Variants in ZFAND1 observed in about 807,000 individuals in gnomAD.
ZFAND1 encodes zinc finger AN1-type containing 1.
Under a neutral mutation model 38.5 loss-of-function variants are expected in ZFAND1, and 40 were observed. The observed-to-expected ratio is 1.04, with a 90% confidence interval of 0.81 to 1.35. ZFAND1 has a LOEUF of 1.35. Among genes scored for constraint, ZFAND1 ranks in the 40% most tolerant of loss-of-function variants. The pLI is 0.00. For missense variants in ZFAND1, 346 were observed against 316.3 expected (o/e 1.09, Z -0.71); for synonymous variants, 117 against 103.6 (o/e 1.13, Z -0.78).
chr8:81,716,739 G>A (rs1381001762), intron 3 of ZFAND1, among the ~76,000 whole-genome samples: 2 of 152,198 alleles, frequency 1.3e-5, no homozygotes, highest in Non-Finnish European at 2.9e-5. Context: ...CCTGAGGTCA[G>A]GAGTTTGAGA....
chr8:81,714,214 A>G, intron 5 of ZFAND1, 175 bp from the exon 6 acceptor site: 1 of 588,448 alleles, frequency 1.7e-6, no homozygotes, highest in Non-Finnish European at 2.7e-6. Context: ...GAAAAATATC[A>G]TTGAGATTGA....
At chr8:81,712,060 T>A (rs1230750177) in intron 6 of ZFAND1, among the ~76,000 whole-genome samples, 1 of 152,094 alleles carries the variant, frequency 6.6e-6, no homozygotes, top group African/African-American at 2.4e-5. Context: ...TATACCAGAG[T>A]CAGTGATTTA....
At chr8:81,717,968 AC>A (rs1414087178) in intron 2 of ZFAND1, among the ~76,000 whole-genome samples, 1 of 152,104 alleles carries the variant, frequency 6.6e-6, no homozygotes, top group Non-Finnish European at 1.5e-5. Flanking sequence ...CAAAAATATA[AC>A]TTTTATATAA....
Position 81,715,243 on chromosome 8 carries a change from G to A in ZFAND1, c.139-129C>T, listed in dbSNP as rs1365890267. Reference sequence around the variant, plus strand: ...TTAGAGCAAGTTACTTACTCTCAAAGATTATAAAGAATGTTTTATGTGACA... The same window carrying A: ...TTAGAGCAAGTTACTTACTCTCAAAAATTATAAAGAATGTTTTATGTGACA... On this transcript the variant is annotated intron_variant, in intron 3 of 7. Coordinates refer to ENST00000220669, the MANE Select transcript of ZFAND1 (RefSeq NM_024699.3). 3 of 875,484 alleles carry A rather than the reference G, an allele frequency of 3.4e-6. No homozygotes were observed. In the African/African-American group the frequency reaches 5.1e-5, roughly 15 times the overall value. The allele number at this position is 875,484 out of a possible 1,614,324, so 54.2% of individuals were successfully genotyped here. A position where few individuals can be genotyped will look rare whatever the true frequency, so the allele number is the denominator to read the frequency against.
In ZFAND1 at chr8:81,715,103, G is replaced by T; in HGVS notation, c.150C>A (p.Ile50=). The T allele has an allele frequency of 6.2e-7, 1 of 1,613,660 alleles. No homozygotes were observed. Among genetic ancestry groups the T allele is most frequent in the South Asian group, 1.1e-5 (1 of 91,030 alleles). ...ESHGCPEVTV[I]NERLKTDQHT... is the part of the protein sequence containing the mutation. Reference sequence around the variant, plus strand: ...GTTGATCTGTCTTCAGTCTCTCATTGATTACAGTCACCTGAAAATGCAAAA... The same window carrying T: ...GTTGATCTGTCTTCAGTCTCTCATTTATTACAGTCACCTGAAAATGCAAAA... Residue 50 remains isoleucine (I), a synonymous_variant, in exon 4 of 8, where the codon ATC becomes ATA. Coordinates refer to ENST00000220669, the MANE Select transcript of ZFAND1 (RefSeq NM_024699.3).
chr8:81,713,154 G>A (rs1469391441), intron 6 of ZFAND1, among the ~76,000 whole-genome samples: 5 of 151,762 alleles, frequency 3.3e-5, no homozygotes, highest in African/African-American at 7.3e-5. Flanking sequence ...ACGGAGTCTC[G>A]CTCTGTCGCC....
In ZFAND1 at chr8:81,703,004, T is replaced by C. The variant is rs756646115; in HGVS notation, c.601A>G (p.Arg201Gly). 7.1e-6 allele frequency: 11 copies of C among 1,542,874 alleles called. No homozygotes were observed. Among genetic ancestry groups the C allele is most frequent in the Middle Eastern group, 2.0e-4 (1 of 5,108 alleles). ...KAIDFAASLA[R>G]LKNDNNKFTA... ...AATTTGTTATTGTCATTTTTAAGCC[T>C]GGCTAGAGAAGCGGCAAAGTCTATG... The change falls in exon 7 of 8, where the codon AGG becomes GGG. Residue 201 changes from arginine (R) to glycine (G), a missense_variant. Physicochemically the swap from Arg to Gly is moderately radical, Grantham distance 125. Coordinates refer to ENST00000220669, the MANE Select transcript of ZFAND1 (RefSeq NM_024699.3).
intron 6 of ZFAND1, among the ~76,000 whole-genome samples, chr8:81,713,130 C>T (rs969947741): frequency 1.3e-4 from 4 of 31,422 alleles, no homozygotes; most frequent in Admixed American, 4.3e-4. Context: ...TGTTTTTGTT[C>T]GTTTTTTTTT....
chr8:81,705,233 T>C (rs893787669), intron 6 of ZFAND1, among the ~76,000 whole-genome samples: 1 of 152,196 alleles, frequency 6.6e-6, no homozygotes, highest in African/African-American at 2.4e-5. Flanking sequence ...GACAGGGATC[T>C]GTGAGTGAGA....
chr8:81,716,246 C>T (rs191628710), intron 3 of ZFAND1, among the ~76,000 whole-genome samples: 7 of 152,194 alleles, frequency 4.6e-5, no homozygotes, highest in Admixed American at 3.9e-4. Context: ...ACATGGTGGG[C>T]TTAGCTTTCT....
At chr8:81,715,368 T>G (rs978805852) in intron 3 of ZFAND1, among the ~76,000 whole-genome samples, 1 of 152,208 alleles carries the variant, frequency 6.6e-6, no homozygotes, top group Admixed American at 6.5e-5. Flanking sequence ...TTACGCTCTA[T>G]AATTTTAACC....
chr8:81,706,945 T>C lies in ZFAND1; in HGVS notation c.481-3821A>G, dbSNP rs193075831. On this transcript the variant is annotated intron_variant, in intron 6 of 7. Transcript: ENST00000220669. ...GGAATACAATATAAAAGAAGAAAAATATGAAATGTTACAGAAGGGAATAAA... is the reference window on the plus strand; with the variant it reads ...GGAATACAATATAAAAGAAGAAAAACATGAAATGTTACAGAAGGGAATAAA... Among the ~76,000 whole-genome samples, 334 of 151,878 alleles carry C rather than the reference T, an allele frequency of 2.2e-3. 2 individuals are homozygous for C. The highest frequency in any genetic ancestry group is 0.017 in the South Asian group (82 of 4,808).
rs1403492445 is a variant in ZFAND1 at position 81,702,649 on chromosome 8, T to G, written c.*46A>C. On this transcript the variant is annotated 3_prime_UTR_variant, in exon 8 of 8. Transcript: ENST00000220669. Reference sequence around the variant, plus strand: ...GTAGTAAAATAAATGGACTTAAACATGTAATAGAATTTTCCCTGTGATTTC... The same window carrying G: ...GTAGTAAAATAAATGGACTTAAACAGGTAATAGAATTTTCCCTGTGATTTC... 2 of 1,378,766 alleles carry G rather than the reference T, an allele frequency of 1.5e-6. No individual in the cohort carries two copies. The highest frequency in any genetic ancestry group is 1.5e-5 in the African/African-American group (1 of 67,302). 85.4% of individuals were successfully genotyped at this position (1,378,766 alleles called of 1,614,324 possible).
At chr8:81,703,998 G>A (rs757828771) in intron 6 of ZFAND1, among the ~76,000 whole-genome samples, 9 of 152,080 alleles carry the variant, frequency 5.9e-5, no homozygotes, top group East Asian at 3.9e-4. Flanking sequence ...TCAAGTTTCC[G>A]TCACTTGCAA....
chr8:81,713,560 TAGAGAAACTC>T (rs1808207334), intron 6 of ZFAND1, among the ~76,000 whole-genome samples: 1 of 152,158 alleles, frequency 6.6e-6, no homozygotes, highest in Non-Finnish European at 1.5e-5. Flanking sequence ...GGAACAGTCC[TAGAGAAACTC>T]TTCTACATAT....
chr8:81,719,356 A>ACACACAC (rs1563611539), intron 1 of ZFAND1, among the ~76,000 whole-genome samples: 171 of 55,118 alleles, frequency 3.1e-3, no homozygotes, highest in African/African-American at 0.011. Context: ...CACACACACA[A>ACACACAC]ATTAGCTGGG....
intron 6 of ZFAND1, 103 bp downstream of exon 6, chr8:81,713,815 A>G (rs1399680369): frequency 8.6e-7 from 1 of 1,156,608 alleles, no homozygotes; most frequent in African/African-American, 1.5e-5. Flanking sequence ...AGAATGATAC[A>G]TACCAGGTTT....
chr8:81,721,188 C>G (rs1280117163), intron 1 of ZFAND1, 39 bp downstream of exon 1: 1 of 1,544,812 alleles, frequency 6.5e-7, no homozygotes, highest in Admixed American at 2.0e-5. Context: ...GCCCTGGTCT[C>G]CCGCGGCCGG....
chr8:81,704,587 G>C (rs966651287), intron 6 of ZFAND1, among the ~76,000 whole-genome samples: 5 of 150,052 alleles, frequency 3.3e-5, no homozygotes, highest in African/African-American at 7.4e-5. Context: ...GGAGCAAAAG[G>C]CTTGGCCTTT....
Sources: gnomAD v4.1 joint callset for allele counts (sites outside exome capture counted in the v4.1 genomes callset) on GRCh38, gnomAD v4.1.1 for gene constraint, MANE v1.5 for transcripts, NCBI Gene and HGNC (gene_info 2026-07-23, HGNC 2026-07-21) for gene names.